TOX: variants seen among roughly 807,000 people sequenced by gnomAD.
The protein encoded by TOX is thymocyte selection-associated high mobility group box protein TOX.
In TOX, 11 loss-of-function variants were observed where a neutral mutation model predicts 53.7. The ratio of observed to expected loss-of-function variants is 0.20; its 90% CI spans 0.13 to 0.34. The LOEUF (loss-of-function observed/expected upper bound fraction) is 0.34, where lower values mean the gene tolerates loss of function less well. Among genes scored for constraint, TOX ranks in the 10% least tolerant of loss-of-function variants. TOX has a pLI of 1.00. For synonymous variants in TOX, 225 were observed against 245.3 expected, an observed-to-expected ratio of 0.92 and a Z score of 0.77; for missense variants, 570 against 664.6, an observed-to-expected ratio of 0.86 and a Z score of 1.56.
intron 1 of TOX, among the ~76,000 whole-genome samples, chr8:59,067,675 T>A (rs1397460745): frequency 1.3e-5 from 2 of 152,132 alleles, no homozygotes; most frequent in African/African-American, 4.8e-5. Context: ...AGATAGGATA[T>A]TGCTCCAAGG....
At chr8:58,960,116 T>C in intron 1 of TOX, 108 bp from the exon 2 acceptor site, 1 of 1,162,776 alleles carries the variant, frequency 8.6e-7, no homozygotes, top group African/African-American at 1.5e-5. Flanking sequence ...ACAGTAGCCA[T>C]AAAAAATACT....
At chr8:59,061,680 C>T (rs1803987316) in intron 1 of TOX, among the ~76,000 whole-genome samples, 1 of 151,872 alleles carries the variant, frequency 6.6e-6, no homozygotes, top group African/African-American at 2.4e-5. Flanking sequence ...TTGAATAAAG[C>T]CCACTCCTTT....
intron 7 of TOX, among the ~76,000 whole-genome samples, chr8:58,811,212 G>A (rs1810070355): frequency 6.6e-6 from 1 of 152,140 alleles, no homozygotes; most frequent in African/African-American, 2.4e-5. Flanking sequence ...ACAACATGAT[G>A]ACACACACTT....
chr8:58,990,238 G>A (rs933319827), intron 1 of TOX, among the ~76,000 whole-genome samples: 24 of 152,080 alleles, frequency 1.6e-4, no homozygotes, highest in Non-Finnish European at 3.1e-4. Context: ...AAGGAGCTGG[G>A]ATAGAAATTC....
intron 2 of TOX, among the ~76,000 whole-genome samples, chr8:58,943,992 A>G (rs1039019323): frequency 6.6e-6 from 1 of 152,226 alleles, no homozygotes; most frequent in African/African-American, 2.4e-5. Flanking sequence ...ATTAGCATAC[A>G]GAGTGATTTG....
At chr8:58,924,808 C>G (rs1206208912) in intron 3 of TOX, among the ~76,000 whole-genome samples, 1 of 152,192 alleles carries the variant, frequency 6.6e-6, no homozygotes, top group Non-Finnish European at 1.5e-5. Context: ...AGATTTATTC[C>G]TATTTTCCTC....
chr8:58,968,008 T>C (rs1362160923), intron 1 of TOX, among the ~76,000 whole-genome samples: 1 of 152,248 alleles, frequency 6.6e-6, no homozygotes, highest in Admixed American at 6.5e-5. Context: ...TAATTCCATA[T>C]GCAAAGACAG....
chr8:59,089,643 G>A (rs1032728728), intron 1 of TOX, among the ~76,000 whole-genome samples: 2 of 152,192 alleles, frequency 1.3e-5, no homozygotes, highest in Non-Finnish European at 2.9e-5. Context: ...TAGGCTGGAC[G>A]GCAGTCGTCA....
chr8:59,054,874 A>G (rs1382970772), intron 1 of TOX, among the ~76,000 whole-genome samples: 1 of 118,018 alleles, frequency 8.5e-6, no homozygotes, highest in East Asian at 1.3e-3. Flanking sequence ...AGAGAAAGCA[A>G]AAAAAAAGAA....
At chr8:58,906,988 A>T (rs974651034) in intron 3 of TOX, among the ~76,000 whole-genome samples, 11 of 152,188 alleles carry the variant, frequency 7.2e-5, no homozygotes, top group Non-Finnish European at 1.2e-4. Flanking sequence ...TGAAAGTCTA[A>T]ATCTCTTTTC....
chr8:58,963,302 G>GATATAT lies in TOX; in HGVS notation c.103-3295_103-3294insATATAT, dbSNP rs748048781. Reference sequence around the variant, plus strand: ...TCTTTTGATAGATAGAAGATAGATAGATAGATATATATATAGATAGATAGA... The same window carrying GATATAT: ...TCTTTTGATAGATAGAAGATAGATAGATATATATAGATATATATATAGATAGATAGA... On this transcript the variant is annotated intron_variant, in intron 1 of 8. Coordinates refer to ENST00000361421, the MANE Select transcript of TOX (RefSeq NM_014729.3). 3.7e-3 allele frequency among the ~76,000 whole-genome samples: 447 copies of GATATAT among 122,038 alleles called. 5 individuals carry two copies. Among genetic ancestry groups the GATATAT allele is most frequent in the East Asian group, 0.02 (95 of 4,642 alleles). 80.1% of individuals were successfully genotyped at this position (122,038 alleles called of 152,430 possible).
chr8:58,999,366 A>T (rs1813647029), intron 1 of TOX, among the ~76,000 whole-genome samples: 1 of 152,112 alleles, frequency 6.6e-6, no homozygotes, highest in Non-Finnish European at 1.5e-5. Flanking sequence ...TGACCTGAAA[A>T]AGGACTTTAA....
At chr8:58,861,206 C>T (rs1811004296) in intron 3 of TOX, among the ~76,000 whole-genome samples, 1 of 152,236 alleles carries the variant, frequency 6.6e-6, no homozygotes, top group Non-Finnish European at 1.5e-5. Context: ...TCTCTCATAA[C>T]TGCAGATAAT....
intron 3 of TOX, among the ~76,000 whole-genome samples, chr8:58,879,145 C>T (rs1811340129): frequency 2.0e-5 from 3 of 151,860 alleles, no homozygotes; most frequent in African/African-American, 7.3e-5. Flanking sequence ...CATAAAATCT[C>T]ATTTCCATTA....
intron 3 of TOX, among the ~76,000 whole-genome samples, chr8:58,865,378 CTCAGAAA>C (rs1811079241): frequency 6.6e-6 from 1 of 151,798 alleles, no homozygotes; most frequent in African/African-American, 2.4e-5. Context: ...TCCAAATATT[CTCAGAAA>C]ACAGTGTTTT....
intron 1 of TOX, among the ~76,000 whole-genome samples, chr8:59,037,402 C>T (rs1286636507): frequency 1.3e-5 from 2 of 152,164 alleles, no homozygotes; most frequent in African/African-American, 2.4e-5. Context: ...TCTACTTACT[C>T]TCATGTTCCT....
intron 1 of TOX, among the ~76,000 whole-genome samples, chr8:59,052,600 T>C (rs899120424): frequency 6.6e-6 from 1 of 152,220 alleles, no homozygotes; most frequent in Non-Finnish European, 1.5e-5. Context: ...ATGGTCTTAG[T>C]TGAACTGAAT....
chr8:58,862,662 G>A (rs1422842662), intron 3 of TOX, among the ~76,000 whole-genome samples: 1 of 152,112 alleles, frequency 6.6e-6, no homozygotes, highest in Non-Finnish European at 1.5e-5. Context: ...ACCGAACCAT[G>A]AAATTAGAAA....
chr8:58,836,986 G>A (rs1427028693), intron 5 of TOX, among the ~76,000 whole-genome samples: 1 of 152,132 alleles, frequency 6.6e-6, no homozygotes, highest in African/African-American at 2.4e-5. Flanking sequence ...TAATTTCCCT[G>A]TATATCTATG....
Sources: allele counts gnomAD v4.1 joint callset (sites outside exome capture counted in the v4.1 genomes callset), GRCh38; gene constraint gnomAD v4.1.1; transcripts MANE v1.5; gene names NCBI Gene and HGNC (gene_info 2026-07-23, HGNC 2026-07-21).